The following CWC27 variants were observed in gnomAD, a reference collection of about 807,000 sequenced individuals.
CWC27 encodes the protein spliceosome-associated protein CWC27 homolog.
A neutral mutation model predicts 63.6 loss-of-function variants in CWC27; 47 were observed. The observed-to-expected ratio is 0.74, with a 90% CI of 0.58 to 0.94. The LOEUF (loss-of-function observed/expected upper bound fraction) is 0.94, where lower values mean the gene tolerates loss of function less well. Among genes scored for constraint, CWC27 ranks in the 40% least tolerant of loss-of-function variants. The pLI is 0.00. For synonymous variants in CWC27, 175 were observed against 179.8 expected, an observed-to-expected ratio of 0.97 and a Z score of 0.22; for missense variants, 495 against 554.3, an observed-to-expected ratio of 0.89 and a Z score of 1.07.
At chr5:64,895,084 G>A (rs918391550) in intron 11 of CWC27, among the ~76,000 whole-genome samples, 2 of 152,160 alleles carry the variant, frequency 1.3e-5, no homozygotes, top group Non-Finnish European at 2.9e-5. Context: ...CCTCCCATCA[G>A]TTAGGAGTCT....
chr5:64,787,916 A>C (rs1029988142), intron 6 of CWC27, among the ~76,000 whole-genome samples: 2 of 152,168 alleles, frequency 1.3e-5, no homozygotes, highest in African/African-American at 4.8e-5. Context: ...CCTGGTTGTT[A>C]TGAGGATTAA....
intron 11 of CWC27, among the ~76,000 whole-genome samples, chr5:64,939,174 G>A (rs1015145500): frequency 9.9e-5 from 15 of 152,150 alleles, no homozygotes; most frequent in African/African-American, 3.6e-4. Context: ...TGATCCTTTG[G>A]AGGAGAAGAG....
intron 10 of CWC27, among the ~76,000 whole-genome samples, chr5:64,806,812 A>G (rs976758849): frequency 6.6e-6 from 1 of 152,158 alleles, no homozygotes; most frequent in African/African-American, 2.4e-5. Context: ...TGGGCAACAG[A>G]GCAAGACCCT....
At chr5:64,986,685 G>GCC (rs532376368) in intron 13 of CWC27, among the ~76,000 whole-genome samples, 4,057 of 151,042 alleles carry the variant, frequency 0.027, 208 homozygotes, top group African/African-American at 0.094. Flanking sequence ...TTTTATCAGA[G>GCC]CCCCCCCCGG....
chr5:64,973,964 G>A (rs1468580692), intron 12 of CWC27, among the ~76,000 whole-genome samples: 1 of 152,006 alleles, frequency 6.6e-6, no homozygotes, highest in African/African-American at 2.4e-5. Context: ...GCCAGGCATG[G>A]TGAGTCACTC....
Position 64,885,518 on chromosome 5 carries a change from A to C in CWC27, c.1014A>C (p.Ala338=). ...LAAKQKKVEN[A]AKQAEKRSEE... ...CAAAACAAAAAAAAGTAGAAAATGC[A>C]GCAAAACAAGCAGAAAAAAGAAGTG... The change falls in exon 11 of 14, where the codon GCA becomes GCC. Residue 338 remains alanine (A), a synonymous_variant. Transcript: ENST00000381070. The C allele has an allele frequency of 6.2e-7, 1 of 1,603,588 alleles. No homozygotes were observed. The highest frequency in any genetic ancestry group is 8.5e-7 in the Non-Finnish European group (1 of 1,174,604).
chr5:64,804,230 A>G lies in CWC27; in HGVS notation c.782A>G (p.Asp261Gly). 1.2e-6 allele frequency: 2 copies of G among 1,602,092 alleles called. No individual in the cohort carries two copies. Among genetic ancestry groups the G allele is most frequent in the Non-Finnish European group, 1.7e-6 (2 of 1,173,712 alleles). ...EKGDAPDLVDDGEDESAEHDE... is the reference protein window; with the variant it reads ...EKGDAPDLVDGGEDESAEHDE... ...AATACTCATTTTCCATTTCTACAGG[A>G]TGGAGAAGATGAAAGTGCAGAGCAT... Residue 261 changes from aspartate (D) to glycine (G), a missense_variant and splice_region_variant, in exon 10 of 14, where the codon GAT becomes GGT. Physicochemically the swap from Asp to Gly is moderately conservative, Grantham distance 94. Around this residue, in one of 3 missense-constraint regions of CWC27, gnomAD observed 463 missense variants for 498.1 expected, o/e 0.93. Coordinates refer to ENST00000381070, the MANE Select transcript of CWC27 (RefSeq NM_005869.4).
At position 64,971,813 on chromosome 5, in the gene CWC27, G is replaced by A; in HGVS notation, c.1152+1G>A. ...GAAGGGAACTTCCCGGGAAGATCAG[G>A]TAACTTCAAAAACCCAAATCCATAC... On this transcript the variant is annotated splice_donor_variant, in intron 12 of 13. Transcript: ENST00000381070. LOFTEE classifies it high-confidence loss of function. 6.2e-7 allele frequency: 1 copy of A among 1,600,008 alleles called. No homozygotes were observed. Among genetic ancestry groups the A allele is most frequent in the East Asian group, 2.3e-5 (1 of 44,182 alleles).
At position 64,908,047 on chromosome 5, in the gene CWC27, A is replaced by T. The variant is rs142019356; in HGVS notation, c.1042+22501A>T. Among the ~76,000 whole-genome samples the T allele has an allele frequency of 7.8e-3, 1,193 of 152,234 alleles. 7 individuals carry two copies. Among genetic ancestry groups the T allele is most frequent in the Non-Finnish European group, 0.011 (774 of 68,008 alleles). ...TAGTGCTATAAATTTCCCTCTACACATGCTTTAAATATGTCCCAGAGATTC... is the reference window on the plus strand; with the variant it reads ...TAGTGCTATAAATTTCCCTCTACACTTGCTTTAAATATGTCCCAGAGATTC... On this transcript the variant is annotated intron_variant, in intron 11 of 13. Transcript: ENST00000381070.
intron 11 of CWC27, among the ~76,000 whole-genome samples, chr5:64,949,677 A>G (rs1228335328): frequency 6.6e-6 from 1 of 151,958 alleles, no homozygotes; most frequent in African/African-American, 2.4e-5. Context: ...TATGGATCCC[A>G]TGTTCCATGA....
At chr5:64,894,248 G>T (rs1160770401) in intron 11 of CWC27, among the ~76,000 whole-genome samples, 1 of 152,028 alleles carries the variant, frequency 6.6e-6, no homozygotes, top group East Asian at 1.9e-4. Flanking sequence ...ATATATAAAG[G>T]AAACCTAGAG....
At chr5:65,014,586 G>A (rs146384316) in intron 13 of CWC27, among the ~76,000 whole-genome samples, 3 of 151,814 alleles carry the variant, frequency 2.0e-5, no homozygotes, top group East Asian at 1.9e-4. Flanking sequence ...ATAAAGAGCC[G>A]CAGAGTGGAT....
intron 10 of CWC27, among the ~76,000 whole-genome samples, chr5:64,844,740 G>A (rs1487442404): frequency 6.6e-6 from 1 of 152,196 alleles, no homozygotes; most frequent in Non-Finnish European, 1.5e-5. Flanking sequence ...CTTTGCATAG[G>A]CAGGGAGATT....
At chr5:64,824,670 G>GTTT in intron 10 of CWC27, among the ~76,000 whole-genome samples, 1 of 132,054 alleles carries the variant, frequency 7.6e-6, no homozygotes, top group African/African-American at 2.8e-5. Context: ...AGTTTTGTGG[G>GTTT]TTTTTTTTTT....
intron 11 of CWC27, among the ~76,000 whole-genome samples, chr5:64,925,781 T>C (rs1252293098): frequency 6.6e-6 from 1 of 152,220 alleles, no homozygotes. Context: ...TTTCCTCCAT[T>C]ACTTCCCCAG....
intron 10 of CWC27, among the ~76,000 whole-genome samples, chr5:64,841,609 T>TA (rs1472058781): frequency 6.6e-5 from 10 of 152,210 alleles, no homozygotes; most frequent in Non-Finnish European, 1.3e-4. Flanking sequence ...CATAAATATT[T>TA]AAGAGTCTTT....
intron 11 of CWC27, among the ~76,000 whole-genome samples, chr5:64,917,792 A>C (rs1422254531): frequency 6.6e-6 from 1 of 152,174 alleles, no homozygotes; most frequent in Admixed American, 6.5e-5. Flanking sequence ...ACTGGAACTT[A>C]CACTATCAGC....
At chr5:64,961,403 CAT>C (rs58567800) in intron 11 of CWC27, among the ~76,000 whole-genome samples, 6 of 149,920 alleles carry the variant, frequency 4.0e-5, no homozygotes, top group African/African-American at 7.3e-5. Flanking sequence ...CAAGCCCTTT[CAT>C]ATATATATAT....
chr5:64,801,958 C>G (rs1744504234), intron 9 of CWC27, among the ~76,000 whole-genome samples: 1 of 152,114 alleles, frequency 6.6e-6, no homozygotes, highest in South Asian at 2.1e-4. Flanking sequence ...ACAGATTTAT[C>G]TATTATCACA....
Sources: gnomAD v4.1 joint callset for allele counts (sites outside exome capture counted in the v4.1 genomes callset) on GRCh38, gnomAD v4.1.1 for gene constraint, gnomAD v4.1.1 regional missense constraint, MANE v1.5 for transcripts, NCBI Gene and HGNC (gene_info 2026-07-23, HGNC 2026-07-21) for gene names.